NPHP1: variants seen among roughly 807,000 people sequenced by gnomAD.
The protein encoded by NPHP1 is nephrocystin 1.
Under a neutral mutation model 90.4 loss-of-function variants are expected in NPHP1, and 70 were observed. That is an observed-to-expected ratio of 0.77 (90% CI 0.64 to 0.95). The LOEUF (loss-of-function observed/expected upper bound fraction) is 0.95. NPHP1 is among the 40% of genes least tolerant of loss of function. NPHP1 has a pLI of 0.00. For missense variants in NPHP1, 764 were observed against 795.9 expected, an observed-to-expected ratio of 0.96 and a Z score of 0.48; for synonymous variants, 256 against 271.7, an observed-to-expected ratio of 0.94 and a Z score of 0.57.
chr2:110,157,098 G>T (rs1412103765), intron 11 of NPHP1, among the ~76,000 whole-genome samples: 1 of 152,042 alleles, frequency 6.6e-6, no homozygotes, highest in Non-Finnish European at 1.5e-5. Flanking sequence ...TCATAACTAG[G>T]CTTAGATTTA....
At chr2:110,129,669 C>G (rs1383783211) in intron 17 of NPHP1, among the ~76,000 whole-genome samples, 2 of 152,130 alleles carry the variant, frequency 1.3e-5, no homozygotes, top group African/African-American at 2.4e-5. Context: ...AGACAGAGGA[C>G]CTGCTGCTCA....
At chr2:110,169,084 C>T (rs537781926) in intron 5 of NPHP1, among the ~76,000 whole-genome samples, 1 of 151,864 alleles carries the variant, frequency 6.6e-6, no homozygotes, top group East Asian at 1.9e-4. Context: ...TCTTTGAAGA[C>T]AAAAGCATTT....
intron 1 of NPHP1, among the ~76,000 whole-genome samples, chr2:110,203,481 C>T (rs566224789): frequency 6.6e-6 from 1 of 152,090 alleles, no homozygotes; most frequent in Admixed American, 6.6e-5. Flanking sequence ...TAAGTCAATG[C>T]CCCATCAAGT....
intron 2 of NPHP1, among the ~76,000 whole-genome samples, chr2:110,187,650 C>T (rs904382210): frequency 1.3e-5 from 2 of 152,140 alleles, no homozygotes; most frequent in Non-Finnish European, 2.9e-5. Context: ...AAAGGAGGGA[C>T]TCCTCCCTAA....
chr2:110,164,587 G>C lies in NPHP1; in HGVS notation c.771+101C>G, dbSNP rs1352920059. The stretch of plus-strand genomic sequence containing the variant: ...CTGTACATTCCATGCCCTGAACCCT[G>C]TTTCAGATCCATTGGTGTCTTCCAC... On this transcript the variant is annotated intron_variant, in intron 8 of 19. Transcript: ENST00000445609. The C allele has an allele frequency of 6.2e-7, 1 of 1,607,930 alleles. No homozygotes were observed. The highest frequency in any genetic ancestry group is 1.3e-5 in the African/African-American group (1 of 74,772).
intron 2 of NPHP1, among the ~76,000 whole-genome samples, chr2:110,200,920 CA>C (rs1271417190): frequency 3.3e-5 from 5 of 152,044 alleles, no homozygotes; most frequent in African/African-American, 4.8e-5. Flanking sequence ...TTAAATATCT[CA>C]AAAACAAAGA....
intron 2 of NPHP1, chr2:110,184,264 C>A: frequency 1.7e-6 from 1 of 588,096 alleles, no homozygotes; most frequent in South Asian, 1.5e-5. Context: ...GGGCTGCTCT[C>A]AATCTGCTAT....
chr2:110,152,840 A>G (rs1040462206), intron 11 of NPHP1, among the ~76,000 whole-genome samples: 6 of 152,054 alleles, frequency 3.9e-5, no homozygotes, highest in Admixed American at 2.6e-4. Flanking sequence ...AAAAACCACA[A>G]CACTACTAGA....
In NPHP1 at chr2:110,164,558, T is replaced by A. The variant is rs1204764976; in HGVS notation, c.771+130A>T. On this transcript the variant is annotated intron_variant, in intron 8 of 19. Coordinates refer to ENST00000445609, the MANE Select transcript of NPHP1 (RefSeq NM_001128178.3). ...TTAGAAACCAGAAATATACGTCCTC[T>A]GCTCTGTACATTCCATGCCCTGAAC... is the stretch of plus-strand genomic sequence containing the variant. 1.9e-6 allele frequency: 3 copies of A among 1,592,336 alleles called. No homozygotes were observed. Among genetic ancestry groups the A allele is most frequent in the Non-Finnish European group, 2.6e-6 (3 of 1,160,284 alleles).
At position 110,124,037 on chromosome 2, in the gene NPHP1, C is replaced by T. The variant is rs1004757413; in HGVS notation, c.1788G>A (p.Thr596=). The T allele has an allele frequency of 3.1e-6, 5 of 1,614,084 alleles. No individual in the cohort carries two copies. The East Asian group carries it at 6.7e-5, about 22-fold the overall frequency. Residue 596 remains threonine, a synonymous_variant, in exon 20 of 20, where the codon ACG becomes ACA. Coordinates refer to ENST00000445609, the MANE Select transcript of NPHP1 (RefSeq NM_001128178.3). ...EKRDKEFLKS[T]FLLVYHDCVL... Reference sequence around the variant, plus strand: ...CGCAGTCATGGTAAACCAGGAGAAACGTGGACTTCAGGAACTCTTTGTCTC... The same window carrying T: ...CGCAGTCATGGTAAACCAGGAGAAATGTGGACTTCAGGAACTCTTTGTCTC...
chr2:110,192,257 G>GA (rs1684811072), intron 2 of NPHP1, among the ~76,000 whole-genome samples: 1 of 152,040 alleles, frequency 6.6e-6, no homozygotes, highest in Admixed American at 6.6e-5. Context: ...TAAAAACCTT[G>GA]AAAAAAGATT....
rs1681360019 is a variant in NPHP1, at chr2:110,150,201, G to A, written c.1139C>T (p.Thr380Ile). ...ACTTACCTGGGGAGAAAAGGTCCAT[G>A]TTTTGGGCTTTTTAGGTTGCCATGT... ...RATWQPKKPK[T>I]WTFSPQVTRI... Residue 380 changes from threonine to isoleucine, a missense_variant, in exon 12 of 20, where the codon ACA becomes ATA. Thr to Ile is a moderately conservative substitution (Grantham distance 89). Coordinates refer to ENST00000445609, the MANE Select transcript of NPHP1 (RefSeq NM_001128178.3). 1.2e-6 allele frequency: 2 copies of A among 1,613,634 alleles called. No individual in the cohort carries two copies. The highest frequency in any genetic ancestry group is 8.5e-7 in the Non-Finnish European group (1 of 1,179,576).
At chr2:110,150,357 A>T in intron 11 of NPHP1, 101 bp from the exon 12 acceptor site, 1 of 1,047,428 alleles carries the variant, frequency 9.5e-7, no homozygotes, top group Admixed American at 1.7e-5. Context: ...TAAGTGAGGA[A>T]GATGGCAAGG....
intron 16 of NPHP1, among the ~76,000 whole-genome samples, chr2:110,139,738 C>G (rs112709721): frequency 2.6e-5 from 4 of 152,126 alleles, no homozygotes; most frequent in African/African-American, 9.7e-5. Flanking sequence ...TGTCCTTTCT[C>G]CTTTGAGCAG....
At chr2:110,147,418 A>G (rs1681140932) in intron 13 of NPHP1, among the ~76,000 whole-genome samples, 1 of 152,144 alleles carries the variant, frequency 6.6e-6, no homozygotes, top group African/African-American at 2.4e-5. Context: ...AACTATATAT[A>G]CTATACCTAT....
chr2:110,177,696 A>G (rs1683599475), intron 4 of NPHP1, among the ~76,000 whole-genome samples: 1 of 152,066 alleles, frequency 6.6e-6, no homozygotes, highest in African/African-American at 2.4e-5. Flanking sequence ...TTCAGAAGCT[A>G]TTATTAACAT....
At chr2:110,157,117 G>T (rs1464278005) in intron 11 of NPHP1, among the ~76,000 whole-genome samples, 2 of 152,078 alleles carry the variant, frequency 1.3e-5, no homozygotes, top group Admixed American at 6.5e-5. Flanking sequence ...TATTAAAGAA[G>T]CACTCTTACA....
At chr2:110,143,735 G>T in intron 15 of NPHP1, 94 bp from the exon 16 acceptor site, 1 of 861,462 alleles carries the variant, frequency 1.2e-6, no homozygotes, top group Non-Finnish European at 1.9e-6. Flanking sequence ...ATACCACCCA[G>T]TAGTGCTGAA....
chr2:110,191,752 C>A (rs1353241456), intron 2 of NPHP1, among the ~76,000 whole-genome samples: 1 of 152,138 alleles, frequency 6.6e-6, no homozygotes, highest in Non-Finnish European at 1.5e-5. Flanking sequence ...CTGGGAGGCA[C>A]CCCCCAGTAG....
Sources: allele counts gnomAD v4.1 joint callset (sites outside exome capture counted in the v4.1 genomes callset), GRCh38; gene constraint gnomAD v4.1.1; transcripts MANE v1.5; gene names NCBI Gene and HGNC (gene_info 2026-07-23, HGNC 2026-07-21).